CHD6: variants seen among roughly 807,000 people sequenced by gnomAD.
CHD6 encodes the protein chromodomain helicase DNA binding protein 6.
CHD6 carries 50 observed loss-of-function variants against 276.9 expected under a neutral mutation model. That is an observed-to-expected ratio of 0.18 (90% CI 0.14 to 0.23). The LOEUF is 0.23. CHD6 is among the 10% of genes least tolerant of loss of function. The probability of loss-of-function intolerance (pLI) is 1.00; values close to 1 mark genes in which losing one functional copy is unlikely to be tolerated. For synonymous variants in CHD6, 1,173 were observed against 1,229.3 expected (o/e 0.95, Z 0.96); for missense variants, 2,564 against 3,365.8 (o/e 0.76, Z 5.89).
chr20:41,415,151 G>A, intron 34 of CHD6, 35 bp downstream of exon 34: 2 of 1,573,678 alleles, frequency 1.3e-6, no homozygotes, highest in Non-Finnish European at 1.7e-6. Context: ...GTGTAGAAAG[G>A]TAAATGTTTT....
intron 5 of CHD6, among the ~76,000 whole-genome samples, chr20:41,500,661 T>C (rs2043810024): frequency 6.6e-6 from 1 of 152,118 alleles, no homozygotes; most frequent in Admixed American, 6.6e-5. Context: ...TAAATATAGA[T>C]AGGTGGCAGG....
intron 17 of CHD6, among the ~76,000 whole-genome samples, chr20:41,472,241 C>CAAAAAA: frequency 7.9e-6 from 1 of 125,878 alleles, no homozygotes; most frequent in South Asian, 2.7e-4. Context: ...GACTCTGTCT[C>CAAAAAA]AAAAAAAAAA....
intron 3 of CHD6, among the ~76,000 whole-genome samples, chr20:41,517,504 G>A (rs1433253497): frequency 2.0e-5 from 3 of 152,132 alleles, no homozygotes; most frequent in Non-Finnish European, 4.4e-5. Context: ...CCATTTTTGA[G>A]GATTACCGAT....
Position 41,543,186 on chromosome 20 carries a change from AAATG to A in CHD6, c.33+8115_33+8118del, listed in dbSNP as rs2044979158. 2.0e-5 allele frequency among the ~76,000 whole-genome samples: 3 copies of A among 152,318 alleles called. No homozygotes were observed. In the South Asian group the frequency reaches 6.2e-4, roughly 32 times the overall value. ...GTATTAGGAAGATACTAAGCTTATT[AAATG>A]TATCACCAAAACAACCTTAAGATAG... On this transcript the variant is annotated intron_variant, in intron 2 of 36. Coordinates refer to ENST00000373233, the MANE Select transcript of CHD6 (RefSeq NM_032221.5).
rs146815060 is a variant in CHD6 at position 41,461,189 on chromosome 20, T to C, written c.2665-3761A>G. Among the ~76,000 whole-genome samples, 857 of 152,348 alleles carry C rather than the reference T, an allele frequency of 5.6e-3. 8 individuals are homozygous for C. Among genetic ancestry groups the C allele is most frequent in the Middle Eastern group, 0.024 (7 of 294 alleles). On this transcript the variant is annotated intron_variant, in intron 17 of 36. Coordinates refer to ENST00000373233, the MANE Select transcript of CHD6 (RefSeq NM_032221.5). ...AAAGTAATTAACTTGCTTTTGATTT[T>C]ACAGGCTCATAGGCAGAAGGGACTT...
chr20:41,467,347 T>G (rs2042943681), intron 17 of CHD6, among the ~76,000 whole-genome samples: 1 of 152,044 alleles, frequency 6.6e-6, no homozygotes, highest in Non-Finnish European at 1.5e-5. Flanking sequence ...GGAACTCAGA[T>G]GAAGTCCAAG....
rs753679903 is a variant in CHD6, at chr20:41,452,916, G to A, written c.3147C>T (p.Arg1049=). ...EKESLVIDRP[R]VRKQTKHYNS... is the part of the protein sequence containing the mutation. ...TGTAGTGTTTGGTCTGCTTTCTCACGCGAGGTCGGTCGATCACTAAGCTTT... is the reference window on the plus strand; with the variant it reads ...TGTAGTGTTTGGTCTGCTTTCTCACACGAGGTCGGTCGATCACTAAGCTTT... The change falls in exon 21 of 37, where the codon CGC becomes CGT. Residue 1049 remains arginine, a synonymous_variant. Coordinates refer to ENST00000373233, the MANE Select transcript of CHD6 (RefSeq NM_032221.5). This position sits in a 1 kb window ranked among gnomAD's most constrained non-coding sequence, Gnocchi z 4.2. 1.1e-5 allele frequency: 17 copies of A among 1,613,632 alleles called. No individual in the cohort carries two copies. Among genetic ancestry groups the A allele is most frequent in the Admixed American group, 3.3e-5 (2 of 59,936 alleles).
chr20:41,448,762 T>C (rs1439680027), intron 23 of CHD6, among the ~76,000 whole-genome samples: 1 of 152,172 alleles, frequency 6.6e-6, no homozygotes, highest in East Asian at 1.9e-4. Context: ...CTATTAGATC[T>C]GGGTAGAAAG....
At chr20:41,597,404 G>T (rs1213931777) in intron 1 of CHD6, among the ~76,000 whole-genome samples, 1 of 152,128 alleles carries the variant, frequency 6.6e-6, no homozygotes, top group Non-Finnish European at 1.5e-5. Context: ...TATGTATTTG[G>T]TCTGTCTTCT....
intron 5 of CHD6, among the ~76,000 whole-genome samples, chr20:41,499,955 A>G (rs979658846): frequency 2.6e-5 from 4 of 152,224 alleles, no homozygotes; most frequent in Non-Finnish European, 5.9e-5. Flanking sequence ...TTCACTGATC[A>G]TCCTTTGAAC....
chr20:41,543,094 C>T (rs1411155143), intron 2 of CHD6, among the ~76,000 whole-genome samples: 1 of 139,382 alleles, frequency 7.2e-6, no homozygotes, highest in Non-Finnish European at 1.5e-5. Flanking sequence ...CAGAGTGAGA[C>T]TCTGTCTCAA....
chr20:41,412,059 G>A, intron 36 of CHD6, 85 bp downstream of exon 36: 5 of 1,556,778 alleles, frequency 3.2e-6, no homozygotes, highest in South Asian at 1.2e-5. Flanking sequence ...CCCCTTCCCA[G>A]CTGGGGCTTT....
At position 41,402,214 on chromosome 20, in the gene CHD6, A is replaced by G. The variant is rs1600769645; in HGVS notation, c.*2379T>C. ...ACATGGAATTAGATGAAAAGGCTCA[A>G]GTTTGCTGAAGAGAGTTTAAATTTG... is the stretch of plus-strand genomic sequence containing the variant. On this transcript the variant is annotated 3_prime_UTR_variant, in exon 37 of 37. Coordinates refer to ENST00000373233, the MANE Select transcript of CHD6 (RefSeq NM_032221.5). 9.1e-6 allele frequency: 2 copies of G among 219,028 alleles called. No homozygotes were observed. Among genetic ancestry groups the G allele is most frequent in the Admixed American group, 5.8e-5 (1 of 17,262 alleles). 13.6% of individuals were successfully genotyped at this position (219,028 alleles called of 1,614,324 possible).
intron 2 of CHD6, chr20:41,547,731 A>C (rs2045069998): frequency 3.5e-6 from 2 of 569,732 alleles, no homozygotes; most frequent in Admixed American, 3.8e-5. Flanking sequence ...CAGTGGAATT[A>C]TCACTTTTGA....
intron 11 of CHD6, 34 bp from the exon 12 acceptor site, chr20:41,490,055 T>C (rs1411374246): frequency 6.3e-7 from 1 of 1,593,310 alleles, no homozygotes; most frequent in Non-Finnish European, 8.6e-7. Flanking sequence ...TAATTCATTA[T>C]CAATATAGGA....
intron 17 of CHD6, among the ~76,000 whole-genome samples, chr20:41,465,936 G>A (rs1291800371): frequency 6.6e-6 from 1 of 152,202 alleles, no homozygotes; most frequent in Non-Finnish European, 1.5e-5. Flanking sequence ...CGGGCGTGGT[G>A]GGTCACGACT....
At chr20:41,461,541 T>C (rs1334875528) in intron 17 of CHD6, among the ~76,000 whole-genome samples, 2 of 152,208 alleles carry the variant, frequency 1.3e-5, no homozygotes, top group Non-Finnish European at 2.9e-5. Context: ...TCTTCCTCAT[T>C]TTCTCTTGCC....
rs537525845 is a variant in CHD6 at position 41,430,841 on chromosome 20, C to T, written c.4069-4688G>A. Among the ~76,000 whole-genome samples, 5 of 149,838 alleles carry T rather than the reference C, an allele frequency of 3.3e-5. No homozygotes were observed. The East Asian group carries it at 9.8e-4, about 29-fold the overall frequency. On this transcript the variant is annotated intron_variant, in intron 27 of 36. Coordinates refer to ENST00000373233, the MANE Select transcript of CHD6 (RefSeq NM_032221.5). ...CAATAATATAAACTAAGGACTGGAA[C>T]AGCAGAACATGAATTTTTTTTTTTT...
chr20:41,504,472 C>T (rs1391291917), intron 5 of CHD6, among the ~76,000 whole-genome samples: 1 of 142,480 alleles, frequency 7.0e-6, no homozygotes, highest in Non-Finnish European at 1.5e-5. Flanking sequence ...TGCAGTGGAA[C>T]GATCTCACCT....
Sources: gnomAD v4.1 joint callset for allele counts (sites outside exome capture counted in the v4.1 genomes callset) on GRCh38, gnomAD v4.1.1 for gene constraint, Gnocchi (gnomAD v3.1) non-coding constraint, MANE v1.5 for transcripts, NCBI Gene and HGNC (gene_info 2026-07-23, HGNC 2026-07-21) for gene names.